The following SPATS2L variants were observed in gnomAD, a reference collection of about 807,000 sequenced individuals.
SPATS2L encodes spermatogenesis associated serine rich 2 like, also known as SPATS2-like protein.
Under a neutral mutation model 59.6 loss-of-function variants are expected in SPATS2L, and 30 were observed. The observed-to-expected ratio is 0.50, with a 90% CI of 0.38 to 0.68. The LOEUF (loss-of-function observed/expected upper bound fraction) is 0.68, where lower values mean the gene tolerates loss of function less well. Among genes scored for constraint, SPATS2L ranks in the 30% least tolerant of loss-of-function variants. SPATS2L has a pLI of 0.00. For synonymous variants in SPATS2L, 252 were observed against 263.5 expected, an observed-to-expected ratio of 0.96 and a Z score of 0.42; for missense variants, 615 against 700.0, an observed-to-expected ratio of 0.88 and a Z score of 1.37.
chr2:200,477,512 GTA>G (rs2087620517), intron 12 of SPATS2L, 122 bp from the exon 13 acceptor site: 1 of 559,236 alleles, frequency 1.8e-6, no homozygotes, highest in Non-Finnish European at 2.6e-6. Flanking sequence ...TTCTTCTGGT[GTA>G]TAAAAAAAAA....
At chr2:200,390,274 T>C (rs955342032) in intron 3 of SPATS2L, 1 of 152,270 alleles carries the variant, frequency 6.6e-6, no homozygotes, top group Non-Finnish European at 1.5e-5. Context: ...AACACCACTC[T>C]AGATGCCTGG....
At chr2:200,396,046 A>ATATATATATATG (rs2082339444) in intron 3 of SPATS2L, among the ~76,000 whole-genome samples, 1 of 82,060 alleles carries the variant, frequency 1.2e-5, no homozygotes, top group Non-Finnish European at 2.6e-5. Flanking sequence ...ATATATATAT[A>ATATATATATATG]TATATATATA....
chr2:200,388,888 A>G (rs72920366), intron 2 of SPATS2L, among the ~76,000 whole-genome samples: 3,402 of 152,310 alleles, frequency 0.022, 56 homozygotes, highest in Middle Eastern at 0.078. Context: ...GACAATACTT[A>G]GTTAAAATAG....
chr2:200,377,614 C>T (rs2081643321), intron 2 of SPATS2L, among the ~76,000 whole-genome samples: 1 of 152,184 alleles, frequency 6.6e-6, no homozygotes, highest in Non-Finnish European at 1.5e-5. Context: ...CCTCTCCACT[C>T]TGCCCCAAAT....
At chr2:200,436,246 G>A (rs2084284219) in intron 6 of SPATS2L, among the ~76,000 whole-genome samples, 2 of 152,092 alleles carry the variant, frequency 1.3e-5, no homozygotes, top group South Asian at 2.1e-4. Flanking sequence ...GCTCTATAAC[G>A]CTCCACCAGT....
chr2:200,435,108 AC>A (rs2084191363), intron 6 of SPATS2L, among the ~76,000 whole-genome samples: 1 of 152,176 alleles, frequency 6.6e-6, no homozygotes, highest in Non-Finnish European at 1.5e-5. Context: ...CATTTTACAT[AC>A]TAGTTATTAA....
intron 1 of SPATS2L, among the ~76,000 whole-genome samples, chr2:200,307,582 C>T (rs932355112): frequency 2.0e-5 from 3 of 152,176 alleles, no homozygotes; most frequent in Non-Finnish European, 2.9e-5. Context: ...GGCGGGGGGA[C>T]CCCGGAGTCC....
rs544736462 is a variant in SPATS2L at position 200,441,994 on chromosome 2, A to G, written c.788+1210A>G. 3.3e-5 allele frequency among the ~76,000 whole-genome samples: 5 copies of G among 152,244 alleles called. No homozygotes were observed. In the East Asian group the frequency reaches 9.7e-4, roughly 29 times the overall value. ...TCTGCTATGTATCATATAAGATCCTAAGGGTGCAGAAGACACTAGGAACTT... is the reference window on the plus strand; with the variant it reads ...TCTGCTATGTATCATATAAGATCCTGAGGGTGCAGAAGACACTAGGAACTT... On this transcript the variant is annotated intron_variant, in intron 8 of 12. Coordinates refer to ENST00000409140, the MANE Select transcript of SPATS2L (RefSeq NM_001100423.2).
At chr2:200,359,626 G>C (rs962946554) in intron 2 of SPATS2L, among the ~76,000 whole-genome samples, 1 of 152,206 alleles carries the variant, frequency 6.6e-6, no homozygotes, top group African/African-American at 2.4e-5. Context: ...TGTGTGATAA[G>C]CCTGTTCTTG....
At chr2:200,457,829 A>C (rs1232884391) in intron 8 of SPATS2L, among the ~76,000 whole-genome samples, 1 of 152,236 alleles carries the variant, frequency 6.6e-6, no homozygotes, top group East Asian at 1.9e-4. Flanking sequence ...CTATGGATAT[A>C]TTCCAGAAGT....
intron 8 of SPATS2L, among the ~76,000 whole-genome samples, chr2:200,456,836 T>C (rs564951203): frequency 1.0e-3 from 152 of 152,272 alleles, no homozygotes; most frequent in African/African-American, 3.5e-3. Context: ...CCAGGGACTC[T>C]ATTTATAAAG....
intron 6 of SPATS2L, among the ~76,000 whole-genome samples, chr2:200,420,969 T>A (rs1574461999): frequency 6.6e-6 from 1 of 152,242 alleles, no homozygotes; most frequent in East Asian, 1.9e-4. Flanking sequence ...TAAAAGGTGG[T>A]AGATCCTTTG....
intron 1 of SPATS2L, among the ~76,000 whole-genome samples, chr2:200,327,740 T>C (rs2079801910): frequency 6.6e-6 from 1 of 152,228 alleles, no homozygotes; most frequent in Admixed American, 6.5e-5. Flanking sequence ...CACTAAATTA[T>C]TACCCTCCAA....
chr2:200,347,492 C>A (rs2080553929), intron 2 of SPATS2L, among the ~76,000 whole-genome samples: 1 of 152,154 alleles, frequency 6.6e-6, no homozygotes, highest in African/African-American at 2.4e-5. Flanking sequence ...GTCCATTTTC[C>A]TAATAGCTTA....
intron 1 of SPATS2L, among the ~76,000 whole-genome samples, chr2:200,318,024 A>G (rs1221251041): frequency 2.0e-5 from 3 of 152,194 alleles, no homozygotes. Context: ...GATTGGAGGC[A>G]ATATTGTTCT....
intron 8 of SPATS2L, among the ~76,000 whole-genome samples, chr2:200,451,043 G>A: frequency 6.6e-6 from 1 of 152,118 alleles, no homozygotes; most frequent in East Asian, 1.9e-4. Flanking sequence ...ATAATGATGG[G>A]CACGGTGGCT....
chr2:200,423,051 G>A (rs372772897), intron 6 of SPATS2L, among the ~76,000 whole-genome samples: 2 of 152,128 alleles, frequency 1.3e-5, no homozygotes, highest in Non-Finnish European at 2.9e-5. Flanking sequence ...TACTCTGGAC[G>A]AAGGCATGAC....
rs1219538718 is a variant in SPATS2L at position 200,385,357 on chromosome 2, G to A, written c.-22-3866G>A. On this transcript the variant is annotated intron_variant, in intron 2 of 12. Transcript: ENST00000409140. ...AAATCAGGTGAAAATATATTGAAAAGTTCCTTGACTACTTTAAACAATTAA... is the reference window on the plus strand; with the variant it reads ...AAATCAGGTGAAAATATATTGAAAAATTCCTTGACTACTTTAAACAATTAA... Among the ~76,000 whole-genome samples, 5 of 152,328 alleles carry A rather than the reference G, an allele frequency of 3.3e-5. No individual in the cohort carries two copies. The East Asian group carries it at 9.6e-4, about 29-fold the overall frequency.
rs989299676 is a variant in SPATS2L, at chr2:200,481,719, C to G, written c.*3688C>G. 1 of 152,376 alleles carries G rather than the reference C, an allele frequency of 6.6e-6. No individual in the cohort carries two copies. Among genetic ancestry groups the G allele is most frequent in the Non-Finnish European group, 1.5e-5 (1 of 68,164 alleles). The allele number at this position is 152,376 out of a possible 1,614,324, so 9.4% of individuals were successfully genotyped here. A position where few individuals can be genotyped will look rare whatever the true frequency, so the allele number is the denominator to read the frequency against. ...TTTTTGAGATGGAGTCTCGCTCTGT[C>G]GCCCAGGCTGGAGTGCAGTGGCGCG... is the stretch of plus-strand genomic sequence containing the variant. On this transcript the variant is annotated 3_prime_UTR_variant, in exon 13 of 13. Transcript: ENST00000409140.
Sources: gnomAD v4.1 joint callset for allele counts (sites outside exome capture counted in the v4.1 genomes callset) on GRCh38, gnomAD v4.1.1 for gene constraint, MANE v1.5 for transcripts, NCBI Gene and HGNC (gene_info 2026-07-23, HGNC 2026-07-21) for gene names.